The following DPP4 variants were observed in gnomAD, a reference collection of about 807,000 sequenced individuals.
The protein encoded by DPP4 is ADCP-2.
A neutral mutation model predicts 122.4 loss-of-function variants in DPP4; 93 were observed. The observed-to-expected ratio is 0.76, with a 90% CI of 0.64 to 0.90. The LOEUF (loss-of-function observed/expected upper bound fraction) is 0.90. DPP4 is among the 40% of genes least tolerant of loss of function. DPP4 has a pLI of 0.00. For synonymous variants in DPP4, 321 were observed against 302.9 expected (o/e 1.06, Z -0.62); for missense variants, 914 against 907.3 (o/e 1.01, Z -0.09).
chr2:162,073,291 G>C, intron 2 of DPP4, 108 bp downstream of exon 2: 1 of 1,073,950 alleles, frequency 9.3e-7, no homozygotes, highest in Non-Finnish European at 1.4e-6. Context: ...CTACACTTCG[G>C]GGCACTGGTC....
In DPP4 at chr2:162,020,614, G is replaced by A. The variant is rs1343837200; in HGVS notation, c.1143C>T (p.Tyr381=). Residue 381 remains tyrosine, a synonymous_variant, in exon 13 of 26, where the codon TAC becomes TAT. Coordinates refer to ENST00000360534, the MANE Select transcript of DPP4 (RefSeq NM_001935.4). ...FYKIISNEEG[Y]RHICYFQIDK... ...CTATTTGGAAATAGCAAATGTGTCT[G>A]TAACCTTCTTCATTGCTGATGATCT... The A allele has an allele frequency of 1.9e-6, 3 of 1,611,970 alleles. No individual in the cohort carries two copies. The highest frequency in any genetic ancestry group is 1.1e-5 in the South Asian group (1 of 90,444).
At chr2:162,063,210 C>T (rs1287855801) in intron 2 of DPP4, among the ~76,000 whole-genome samples, 1 of 152,024 alleles carries the variant, frequency 6.6e-6, no homozygotes, top group Non-Finnish European at 1.5e-5. Context: ...AATAGAATTG[C>T]CATTTGCTGA....
chr2:162,004,705 C>G (rs564429124), intron 23 of DPP4, among the ~76,000 whole-genome samples: 1 of 152,110 alleles, frequency 6.6e-6, no homozygotes, highest in Non-Finnish European at 1.5e-5. Context: ...TTGAGTTTTA[C>G]TGTATTTTGA....
chr2:162,033,684 G>GAAAAAAAAAAAAA (rs756150578), intron 9 of DPP4, 31 bp from the exon 10 acceptor site: 1 of 1,409,372 alleles, frequency 7.1e-7, no homozygotes, highest in Non-Finnish European at 9.5e-7. Flanking sequence ...AATTGGTATT[G>GAAAAAAAAAAAAA]ACAAAAAAAA....
At chr2:161,993,578 G>A (rs1030879833) in intron 25 of DPP4, among the ~76,000 whole-genome samples, 194 bp from the exon 26 acceptor site, 11 of 152,200 alleles carry the variant, frequency 7.2e-5, no homozygotes, top group African/African-American at 2.2e-4. Context: ...TCCAGGGCAC[G>A]TTGTTCTGTC....
At chr2:162,056,300 AC>A (rs1321841527) in intron 2 of DPP4, among the ~76,000 whole-genome samples, 1 of 152,228 alleles carries the variant, frequency 6.6e-6, no homozygotes, top group Non-Finnish European at 1.5e-5. Context: ...CTATTATATT[AC>A]TACAGCCTAG....
At chr2:162,068,192 G>T (rs560306922) in intron 2 of DPP4, among the ~76,000 whole-genome samples, 1 of 152,268 alleles carries the variant, frequency 6.6e-6, no homozygotes, top group East Asian at 1.9e-4. Flanking sequence ...ATATGAGAAT[G>T]AAGGCAGCAG....
chr2:162,070,309 T>C (rs988662929), intron 2 of DPP4, among the ~76,000 whole-genome samples: 3 of 141,598 alleles, frequency 2.1e-5, no homozygotes, highest in Non-Finnish European at 4.7e-5. Context: ...GTATTAAGCC[T>C]CTCTCTCTCT....
In DPP4 at chr2:162,008,578, G is replaced by C. The variant is rs754080853; in HGVS notation, c.1971C>G (p.Ser657=). The change falls in exon 22 of 26, where the codon TCC becomes TCG. Residue 657 remains serine, a synonymous_variant. Coordinates refer to ENST00000360534, the MANE Select transcript of DPP4 (RefSeq NM_001935.4). ...ATTACATACCATAGTACTCCCACCG[G>C]GATACAGGCGCCACGGCTATTCCAC... ...FKCGIAVAPV[S]RWEYYDSVYT... The C allele has an allele frequency of 2.0e-5, 33 of 1,613,318 alleles. No homozygotes were observed. In the South Asian group the frequency reaches 3.5e-4, roughly 17 times the overall value.
At chr2:162,034,787 T>C (rs570085659) in intron 9 of DPP4, among the ~76,000 whole-genome samples, 1 of 152,304 alleles carries the variant, frequency 6.6e-6, no homozygotes, top group African/African-American at 2.4e-5. Flanking sequence ...CAATCTGATA[T>C]ATAACTGAGC....
Position 162,038,345 on chromosome 2 carries a change from T to C in DPP4, c.570A>G (p.Lys190=). The stretch of plus-strand genomic sequence containing the variant: ...TTATTCCATTATATATTATATCTTC[T>C]TTCCCCGTCCATGTGATTCTGTAAC... ...LPSYRITWTG[K]EDIIYNGITD... Residue 190 remains lysine (K), a synonymous_variant, in exon 8 of 26, where the codon AAA becomes AAG. Coordinates refer to ENST00000360534, the MANE Select transcript of DPP4 (RefSeq NM_001935.4). The C allele has an allele frequency of 6.2e-7, 1 of 1,607,772 alleles. No homozygotes were observed. Among genetic ancestry groups the C allele is most frequent in the Non-Finnish European group, 8.5e-7 (1 of 1,176,494 alleles).
At chr2:162,055,342 A>G (rs760425292) in intron 2 of DPP4, among the ~76,000 whole-genome samples, 1 of 152,226 alleles carries the variant, frequency 6.6e-6, no homozygotes, top group Non-Finnish European at 1.5e-5. Flanking sequence ...TTCTCTGATT[A>G]CTATACATAA....
intron 23 of DPP4, among the ~76,000 whole-genome samples, chr2:161,997,491 G>A (rs181148017): frequency 6.6e-6 from 1 of 152,206 alleles, no homozygotes; most frequent in East Asian, 1.9e-4. Flanking sequence ...AATTAAATGA[G>A]TAAATGAAAT....
At chr2:162,048,757 C>T (rs896651177) in intron 2 of DPP4, among the ~76,000 whole-genome samples, 3 of 152,236 alleles carry the variant, frequency 2.0e-5, no homozygotes, top group African/African-American at 7.2e-5. Flanking sequence ...TCATTTCGCT[C>T]TTGTCATTTA....
intron 22 of DPP4, among the ~76,000 whole-genome samples, chr2:162,008,116 T>C (rs1211604599): frequency 6.6e-6 from 1 of 152,036 alleles, no homozygotes; most frequent in Non-Finnish European, 1.5e-5. Context: ...CTATTAAGAA[T>C]GAAAAAAAAC....
chr2:162,047,273 GAA>G (rs149913490), intron 3 of DPP4, 128 bp downstream of exon 3: 1 of 470,378 alleles, frequency 2.1e-6, no homozygotes, highest in Non-Finnish European at 3.6e-6. Flanking sequence ...AGTAGAAAAA[GAA>G]AAAAAAAACT....
At chr2:162,014,373 G>A (rs1682830880) in intron 19 of DPP4, 23 bp downstream of exon 19, 1 of 1,574,648 alleles carries the variant, frequency 6.4e-7, no homozygotes, top group Non-Finnish European at 8.7e-7. Context: ...CTTCTAAATT[G>A]CTCCCTTCTC....
In DPP4 at chr2:162,038,982, C is replaced by G; in HGVS notation, c.459G>C (p.Gln153His). The G allele has an allele frequency of 6.2e-7, 1 of 1,613,426 alleles. No homozygotes were observed. Among genetic ancestry groups the G allele is most frequent in the Non-Finnish European group, 8.5e-7 (1 of 1,179,520 alleles). The change falls in exon 7 of 26, where the codon CAG becomes CAC. Residue 153 changes from glutamine (Q) to histidine (H), a missense_variant. By Grantham distance (24) the Gln-to-His change is conservative (BLOSUM62 0). Transcript: ENST00000360534. ...ITEERIPNNT[Q>H]WVTWSPVGHK... ...GACCCACTGGTGACCATGTGACCCA[C>G]TGTGTGTTGTTTGGAATCCTCTCTT...
At chr2:162,060,763 C>T (rs1684737507) in intron 2 of DPP4, among the ~76,000 whole-genome samples, 1 of 152,158 alleles carries the variant, frequency 6.6e-6, no homozygotes, top group Non-Finnish European at 1.5e-5. Context: ...GCTTCCTCCC[C>T]GATCATTCCA....
Sources: gnomAD v4.1 joint callset for allele counts (sites outside exome capture counted in the v4.1 genomes callset) on GRCh38, gnomAD v4.1.1 for gene constraint, MANE v1.5 for transcripts, NCBI Gene and HGNC (gene_info 2026-07-23, HGNC 2026-07-21) for gene names.